Variants in C6orf118 observed in about 807,000 individuals in gnomAD.
C6orf118 encodes chromosome 6 open reading frame 118.
Under a neutral mutation model 50.2 loss-of-function variants are expected in C6orf118, and 50 were observed. The observed-to-expected ratio is 1.00, with a 90% CI of 0.79 to 1.26. C6orf118 has a LOEUF of 1.26. C6orf118 is among the 50% of genes most tolerant of loss of function. The pLI is 0.00. For synonymous variants in C6orf118, 239 were observed against 230.9 expected, an observed-to-expected ratio of 1.03 and a Z score of -0.32; for missense variants, 641 against 578.7, an observed-to-expected ratio of 1.11 and a Z score of -1.10.
chr6:165,288,949 A>C (rs1259452470), intron 7 of C6orf118, among the ~76,000 whole-genome samples: 1 of 152,118 alleles, frequency 6.6e-6, no homozygotes, highest in African/African-American at 2.4e-5. Context: ...ATAGAAAAAA[A>C]TAAAATAAAA....
At chr6:165,288,728 G>A (rs1315917951) in intron 7 of C6orf118, among the ~76,000 whole-genome samples, 1 of 152,102 alleles carries the variant, frequency 6.6e-6, no homozygotes, top group African/African-American at 2.4e-5. Context: ...AGTGGGAGCT[G>A]AACAATGAGA....
At chr6:165,308,859 C>G (rs1218619935) in intron 1 of C6orf118, among the ~76,000 whole-genome samples, 1 of 152,206 alleles carries the variant, frequency 6.6e-6, no homozygotes. Flanking sequence ...ATTCTGATAT[C>G]ACACAATAAA....
rs998957898 is a variant in C6orf118, at chr6:165,302,163, C to G, written c.159G>C (p.Arg53=). ...CAGAGATGTAGAGGTAGACGTCCTC[C>G]CGGTGGTCTTTCTGAAGCCGATTCA... ...KLLNRLQKDH[R]EDVYLYISGH... The change falls in exon 2 of 9, where the codon CGG becomes CGC. Residue 53 remains arginine (R), a synonymous_variant. Coordinates refer to ENST00000230301, the MANE Select transcript of C6orf118 (RefSeq NM_144980.4). 1 of 1,612,840 alleles carries G rather than the reference C, an allele frequency of 6.2e-7. No individual in the cohort carries two copies. Among genetic ancestry groups the G allele is most frequent in the South Asian group, 1.1e-5 (1 of 91,066 alleles).
In C6orf118 at chr6:165,301,972, G is replaced by A. The variant is rs1157078013; in HGVS notation, c.350C>T (p.Ala117Val). Residue 117 changes from alanine to valine, a missense_variant, in exon 2 of 9, where the codon GCC becomes GTC. Coordinates refer to ENST00000230301, the MANE Select transcript of C6orf118 (RefSeq NM_144980.4). ...EALAHFTIHT[A>V]LVPSEAQDTP... ...GTCCTGGGCCTCACTGGGGACCAGG[G>A]CCGTGTGGATGGTGAAGTGGGCCAG... The A allele has an allele frequency of 8.1e-6, 13 of 1,613,646 alleles. No homozygotes were observed. Among genetic ancestry groups the A allele is most frequent in the South Asian group, 6.6e-5 (6 of 91,094 alleles).
chr6:165,307,799 G>A (rs972879839), intron 1 of C6orf118, among the ~76,000 whole-genome samples: 25 of 152,284 alleles, frequency 1.6e-4, no homozygotes, highest in Admixed American at 3.3e-4. Context: ...GGAGGAGAGC[G>A]GGAGCCTCAG....
chr6:165,307,737 G>A (rs1780796074), intron 1 of C6orf118, among the ~76,000 whole-genome samples: 1 of 152,112 alleles, frequency 6.6e-6, no homozygotes, highest in South Asian at 2.1e-4. Flanking sequence ...ATGTACTTCT[G>A]GAAAGACTTC....
At chr6:165,283,697 G>A (rs1176710104) in intron 7 of C6orf118, among the ~76,000 whole-genome samples, 5 of 152,146 alleles carry the variant, frequency 3.3e-5, no homozygotes, top group Admixed American at 1.3e-4. Context: ...AATAGAGTCC[G>A]AAGTGGACCC....
rs556352763 is a variant in C6orf118 at position 165,301,431 on chromosome 6, G to A, written c.753+138C>T. The A allele has an allele frequency of 1.6e-4, 201 of 1,237,802 alleles. 2 individuals carry two copies. The East Asian group carries it at 4.4e-3, about 27-fold the overall frequency. The allele number at this position is 1,237,802 out of a possible 1,614,324, so 76.7% of individuals were successfully genotyped here. A position where few individuals can be genotyped will look rare whatever the true frequency, so the allele number is the denominator to read the frequency against. Reference sequence around the variant, plus strand: ...AGCACTGCACCGCGAGGTCTGCACCGAGAACACTGCCCCAAGAGCTATGCC... The same window carrying A: ...AGCACTGCACCGCGAGGTCTGCACCAAGAACACTGCCCCAAGAGCTATGCC... On this transcript the variant is annotated intron_variant, in intron 2 of 8. Transcript: ENST00000230301.
At chr6:165,288,716 T>C (rs1306483386) in intron 7 of C6orf118, among the ~76,000 whole-genome samples, 3 of 152,028 alleles carry the variant, frequency 2.0e-5, no homozygotes, top group African/African-American at 7.2e-5. Context: ...TTCTCACTTA[T>C]AAGTGGGAGC....
At chr6:165,298,577 A>G (rs1485858234) in intron 4 of C6orf118, among the ~76,000 whole-genome samples, 2 of 152,206 alleles carry the variant, frequency 1.3e-5, no homozygotes, top group Non-Finnish European at 2.9e-5. Context: ...AGAAAGAGGC[A>G]TCCAGGGCCC....
At chr6:165,303,373 G>T (rs1583027495) in intron 1 of C6orf118, among the ~76,000 whole-genome samples, 1 of 151,128 alleles carries the variant, frequency 6.6e-6, no homozygotes, top group South Asian at 2.1e-4. Context: ...AAGCAGGAAA[G>T]ATCCAAAATT....
At chr6:165,301,452 A>ATGCCCCGGAGCTC (rs1780532179) in intron 2 of C6orf118, 117 bp downstream of exon 2, 1 of 1,364,390 alleles carries the variant, frequency 7.3e-7, no homozygotes, top group African/African-American at 1.5e-5. Context: ...CCCAAGAGCT[A>ATGCCCCGGAGCTC]TGCCCCGGAG....
intron 7 of C6orf118, among the ~76,000 whole-genome samples, chr6:165,285,422 G>T (rs116690319): frequency 2.0e-5 from 3 of 152,018 alleles, no homozygotes; most frequent in African/African-American, 7.2e-5. Flanking sequence ...AGATATTCAC[G>T]ACTTGAAATC....
Position 165,301,730 on chromosome 6 carries a change from G to A in C6orf118, c.592C>T (p.Arg198Trp). 5.0e-6 allele frequency: 8 copies of A among 1,614,102 alleles called. No homozygotes were observed. Among genetic ancestry groups the A allele is most frequent in the Middle Eastern group, 1.6e-4 (1 of 6,062 alleles). Residue 198 changes from arginine to tryptophan, a missense_variant, in exon 2 of 9, where the codon CGG (arginine) becomes TGG (tryptophan). Arg to Trp is a moderately radical substitution (Grantham distance 101). Coordinates refer to ENST00000230301, the MANE Select transcript of C6orf118 (RefSeq NM_144980.4). ...AGGTAGGAGCTGACATAGTGGTGCC[G>A]GTCCCTGGTGCCTCTGGACCCGGCC... ...QEAGSRGTRD[R>W]HHYVSSYLAG...
At position 165,293,292 on chromosome 6, in the gene C6orf118, A is replaced by G. The variant is rs150031785; in HGVS notation, c.1120+121T>C. 927 of 928,720 alleles carry G rather than the reference A, an allele frequency of 1.0e-3. 13 individuals carry two copies. In the East Asian group the frequency reaches 0.019, roughly 19 times the overall value. 57.5% of individuals were successfully genotyped at this position (928,720 alleles called of 1,614,324 possible). A position where few individuals can be genotyped will look rare whatever the true frequency, so the allele number is the denominator to read the frequency against. On this transcript the variant is annotated intron_variant, in intron 6 of 8. Transcript: ENST00000230301. ...GGTGAATATGTTGAATTCTCGCAAC[A>G]AAACTCAGAGGGAGCATCAGCATCT...
At position 165,285,874 on chromosome 6, in the gene C6orf118, C is replaced by G. The variant is rs549882007; in HGVS notation, c.1302+4012G>C. On this transcript the variant is annotated intron_variant, in intron 7 of 8. Transcript: ENST00000230301. ...ATCACAACTAAAAGAACTAGAGAACCAAGTGCAAACAAACCCCAAAGCAAG... is the reference window on the plus strand; with the variant it reads ...ATCACAACTAAAAGAACTAGAGAACGAAGTGCAAACAAACCCCAAAGCAAG... Among the ~76,000 whole-genome samples the G allele has an allele frequency of 4.0e-5, 6 of 151,448 alleles. No homozygotes were observed. The East Asian group carries it at 1.2e-3, about 30-fold the overall frequency.
intron 5 of C6orf118, among the ~76,000 whole-genome samples, chr6:165,296,874 CT>C (rs1352198566): frequency 6.6e-5 from 10 of 152,190 alleles, no homozygotes; most frequent in Non-Finnish European, 1.3e-4. Flanking sequence ...CAGGGCTCCC[CT>C]AGAGACTGGC....
intron 4 of C6orf118, among the ~76,000 whole-genome samples, chr6:165,298,625 G>A (rs1780400442): frequency 3.9e-5 from 6 of 152,294 alleles, no homozygotes; most frequent in Admixed American, 2.6e-4. Context: ...ACATTTGACC[G>A]AGATAGGGAC....
chr6:165,292,342 G>A (rs1780133134), intron 6 of C6orf118, among the ~76,000 whole-genome samples: 1 of 152,144 alleles, frequency 6.6e-6, no homozygotes, highest in African/African-American at 2.4e-5. Flanking sequence ...GGAAGAACCA[G>A]GGGCACCAGG....
Sources: gnomAD v4.1 joint callset for allele counts (sites outside exome capture counted in the v4.1 genomes callset) on GRCh38, gnomAD v4.1.1 for gene constraint, MANE v1.5 for transcripts, NCBI Gene and HGNC (gene_info 2026-07-23, HGNC 2026-07-21) for gene names.